Variants in THRAP3 observed in about 807,000 individuals in gnomAD.
THRAP3 encodes the protein thyroid hormone receptor-associated protein 3.
Under a neutral mutation model 101.0 loss-of-function variants are expected in THRAP3, and 16 were observed. That is an observed-to-expected ratio of 0.16 (90% confidence interval 0.11 to 0.24). The LOEUF (loss-of-function observed/expected upper bound fraction) is 0.24. Among genes scored for constraint, THRAP3 ranks in the 10% least tolerant of loss-of-function variants. The pLI is 1.00. For missense variants in THRAP3, 989 were observed against 1,202.7 expected (o/e 0.82, Z 2.63); for synonymous variants, 407 against 422.6 (o/e 0.96, Z 0.45).
At chr1:36,253,912 T>A (rs1363714222) in intron 1 of THRAP3, among the ~76,000 whole-genome samples, 2 of 152,020 alleles carry the variant, frequency 1.3e-5, no homozygotes, top group Admixed American at 1.3e-4. Context: ...GTCTTTGTAA[T>A]TTTAAACTGT....
At chr1:36,214,550 T>C in the THRAP3 span, among the ~76,000 whole-genome samples, 1 of 152,098 alleles carries the variant, frequency 6.6e-6, no homozygotes, top group Non-Finnish European at 1.5e-5. Context: ...CACTGTACCA[T>C]AGTAATCCTT....
intron 2 of THRAP3, among the ~76,000 whole-genome samples, chr1:36,268,203 AC>A (rs1380946514): frequency 6.6e-6 from 1 of 150,842 alleles, no homozygotes; most frequent in Non-Finnish European, 1.5e-5. Flanking sequence ...GAAAGGAATT[AC>A]CCTTTTTCTT....
the THRAP3 span, among the ~76,000 whole-genome samples, chr1:36,213,226 CAG>C: frequency 9.2e-5 from 14 of 152,238 alleles, no homozygotes; most frequent in African/African-American, 2.9e-4. Context: ...GCACTGGAGA[CAG>C]GGGTTGATAG....
In THRAP3 at chr1:36,292,670, A is replaced by G. The variant is rs1423476755; in HGVS notation, c.1991A>G (p.Gln664Arg). 4 of 1,613,746 alleles carry G rather than the reference A, an allele frequency of 2.5e-6. No homozygotes were observed. The highest frequency in any genetic ancestry group is 3.4e-6 in the Non-Finnish European group (4 of 1,179,904). Residue 664 changes from glutamine to arginine, a missense_variant, in exon 7 of 12, where the codon CAG becomes CGG. Physicochemically the swap from Gln to Arg is conservative, Grantham distance 43. Transcript: ENST00000354618. ...AAATACCTAAAGAGAGGAACTGAGC[A>G]GGAGGCAGCCAAAAACAAGAAAAGC... is the stretch of plus-strand genomic sequence containing the variant. Reference protein sequence around the residue: ...FTKYLKRGTEQEAAKNKKSPE... With the variant: ...FTKYLKRGTEREAAKNKKSPE...
intron 2 of THRAP3, among the ~76,000 whole-genome samples, chr1:36,270,438 C>G (rs1312061059): frequency 6.6e-6 from 1 of 152,116 alleles, no homozygotes; most frequent in East Asian, 1.9e-4. Context: ...CGCATGCCTG[C>G]TCTCGCAGCT....
intron 1 of THRAP3, among the ~76,000 whole-genome samples, chr1:36,255,976 G>A (rs1036837469): frequency 3.3e-5 from 5 of 151,912 alleles, no homozygotes; most frequent in African/African-American, 1.2e-4. Flanking sequence ...TGAGTGACAC[G>A]CTGGTCTAAG....
intron 1 of THRAP3, among the ~76,000 whole-genome samples, chr1:36,232,461 C>T (rs1645039005): frequency 6.6e-6 from 1 of 152,138 alleles, no homozygotes; most frequent in Admixed American, 6.6e-5. Flanking sequence ...AAAACTGTTG[C>T]TGTTTCCCTC....
intron 1 of THRAP3, among the ~76,000 whole-genome samples, chr1:36,258,744 G>T (rs560942860): frequency 5.3e-5 from 8 of 152,348 alleles, no homozygotes; most frequent in African/African-American, 1.9e-4. Flanking sequence ...CTCCCAAAGT[G>T]CTGGGATTAT....
At chr1:36,277,617 C>T (rs116661568) in intron 2 of THRAP3, among the ~76,000 whole-genome samples, 2,787 of 152,268 alleles carry the variant, frequency 0.018, 83 homozygotes, top group African/African-American at 0.063. Flanking sequence ...AGCAATCCTC[C>T]TGCCTCAAGT....
chr1:36,264,393 G>A (rs1645486121), intron 2 of THRAP3, among the ~76,000 whole-genome samples: 1 of 152,098 alleles, frequency 6.6e-6, no homozygotes, highest in Admixed American at 6.5e-5. Context: ...GATGGAGAGA[G>A]TTAAGTATTT....
intron 2 of THRAP3, among the ~76,000 whole-genome samples, chr1:36,274,944 T>C (rs952013081): frequency 4.0e-5 from 6 of 150,904 alleles, no homozygotes; most frequent in Admixed American, 6.6e-5. Context: ...TAATTGATTT[T>C]TGACAAGGGT....
At chr1:36,287,315 A>G (rs1645809778) in intron 4 of THRAP3, 45 bp downstream of exon 4, 1 of 1,527,924 alleles carries the variant, frequency 6.5e-7, no homozygotes. Context: ...TTATCTCACT[A>G]GCTGGCAGTT....
intron 1 of THRAP3, among the ~76,000 whole-genome samples, chr1:36,247,541 G>A (rs1321933496): frequency 6.6e-6 from 1 of 151,894 alleles, no homozygotes; most frequent in Admixed American, 6.6e-5. Context: ...GGCCAAGCTG[G>A]TTTTGAACTC....
At chr1:36,289,900 T>C in intron 5 of THRAP3, 136 bp downstream of exon 5, 1 of 1,256,110 alleles carries the variant, frequency 8.0e-7, no homozygotes. Flanking sequence ...TGTCCACCTG[T>C]GTTCACTGGA....
intron 1 of THRAP3, among the ~76,000 whole-genome samples, chr1:36,258,096 C>T (rs1405543735): frequency 6.6e-6 from 1 of 152,222 alleles, no homozygotes; most frequent in African/African-American, 2.4e-5. Context: ...GCCTCGGCCT[C>T]CCAAAGTGCT....
chr1:36,292,538 G>T, intron 6 of THRAP3, 60 bp from the exon 7 acceptor site: 1 of 1,345,630 alleles, frequency 7.4e-7, no homozygotes, highest in Admixed American at 2.0e-5. Flanking sequence ...CGAAAGTGGT[G>T]GGATTATAGG....
At chr1:36,242,909 GT>G (rs995130636) in intron 1 of THRAP3, among the ~76,000 whole-genome samples, 3 of 150,770 alleles carry the variant, frequency 2.0e-5, no homozygotes, top group African/African-American at 4.9e-5. Flanking sequence ...CACAGTTAGT[GT>G]TTTTTTTTAA....
chr1:36,214,987 C>T, the THRAP3 span, among the ~76,000 whole-genome samples: 2 of 151,780 alleles, frequency 1.3e-5, no homozygotes, highest in African/African-American at 2.4e-5. Context: ...TTTGGGAGGC[C>T]GAGGCGGGCG....
Position 36,276,805 on chromosome 1 carries a change from C to T in THRAP3, c.-31-5728C>T, listed in dbSNP as rs142105342. On this transcript the variant is annotated intron_variant, in intron 2 of 11. Coordinates refer to ENST00000354618, the MANE Select transcript of THRAP3 (RefSeq NM_005119.4). ...CGGGGAGGTGGAGGCTGCAGTGAGC[C>T]GAGATCACGCCACTGCACTCTAGCC... Among the ~76,000 whole-genome samples, 1,410 of 149,362 alleles carry T rather than the reference C, an allele frequency of 9.4e-3. 25 individuals are homozygous for T. Among genetic ancestry groups the T allele is most frequent in the African/African-American group, 0.033 (1,322 of 40,664 alleles).
Sources: gnomAD v4.1 joint callset for allele counts (sites outside exome capture counted in the v4.1 genomes callset) on GRCh38, gnomAD v4.1.1 for gene constraint, MANE v1.5 for transcripts, NCBI Gene and HGNC (gene_info 2026-07-23, HGNC 2026-07-21) for gene names.